CPAMD8: variants seen among roughly 807,000 people sequenced by gnomAD.
The protein encoded by CPAMD8 is C3 and PZP-like alpha-2-macroglobulin domain-containing protein 8.
In CPAMD8, 146 loss-of-function variants were observed where a neutral mutation model predicts 224.7. The observed-to-expected ratio is 0.65, with a 90% CI of 0.57 to 0.75. CPAMD8 has a LOEUF of 0.75. CPAMD8 is among the 30% of genes least tolerant of loss of function. The pLI, the probability that CPAMD8 is intolerant of heterozygous loss-of-function variation, is 0.00. For synonymous variants in CPAMD8, 966 were observed against 1,044.6 expected, an observed-to-expected ratio of 0.92 and a Z score of 1.45; for missense variants, 2,301 against 2,537.5, an observed-to-expected ratio of 0.91 and a Z score of 2.00.
Position 16,929,077 on chromosome 19 carries a change from C to A in CPAMD8, c.3009G>T (p.Gly1003=), listed in dbSNP as rs2053465169. Residue 1003 remains glycine, a synonymous_variant, in exon 24 of 42, where the codon GGG becomes GGT. Coordinates refer to ENST00000443236, the MANE Select transcript of CPAMD8 (RefSeq NM_015692.5). ...TCCATGACCTGGTGTTCTGATGCCCCCCCAGGACGATCTCGATCATGCCTG... is the reference window on the plus strand; with the variant it reads ...TCCATGACCTGGTGTTCTGATGCCCACCCAGGACGATCTCGATCATGCCTG... The part of the protein sequence containing the change: ...DTAGMIEIVL[G]GHQNTRSWIS... The A allele has an allele frequency of 6.2e-7, 1 of 1,614,120 alleles. No individual in the cohort carries two copies. Among genetic ancestry groups the A allele is most frequent in the South Asian group, 1.1e-5 (1 of 91,078 alleles).
At chr19:17,015,173 C>T (rs1466057431) in intron 3 of CPAMD8, among the ~76,000 whole-genome samples, 1 of 152,286 alleles carries the variant, frequency 6.6e-6, no homozygotes, top group East Asian at 1.9e-4. Context: ...ACCCAGAAGG[C>T]AGAGGTTGCA....
At chr19:16,979,746 A>C (rs531803509) in intron 14 of CPAMD8, among the ~76,000 whole-genome samples, 148 of 151,964 alleles carry the variant, frequency 9.7e-4, no homozygotes, top group African/African-American at 3.0e-3. Context: ...TGCCTCCACC[A>C]CAGAGAATGA....
intron 1 of CPAMD8, among the ~76,000 whole-genome samples, chr19:17,025,407 C>T (rs1169177354): frequency 6.6e-6 from 1 of 152,028 alleles, no homozygotes; most frequent in East Asian, 1.9e-4. Context: ...AGTAAAACTC[C>T]ATCTCAAAAC....
chr19:16,914,690 C>T lies in CPAMD8; in HGVS notation c.3753G>A (p.Leu1251=). 1 of 1,614,138 alleles carries T rather than the reference C, an allele frequency of 6.2e-7. No homozygotes were observed. The highest frequency in any genetic ancestry group is 8.5e-7 in the Non-Finnish European group (1 of 1,180,010). Residue 1251 remains leucine (L), a synonymous_variant, in exon 28 of 42, where the codon CTG becomes CTA. Transcript: ENST00000443236. ...CCTTGTTCAGGACCCTGCCCACGGC[C>T]AGGAAGGAGCCATCGGCCTGCTGCT... ...IQQQQADGSF[L]AVGRVLNKDI... is the part of the protein sequence containing the mutation.
intron 22 of CPAMD8, among the ~76,000 whole-genome samples, chr19:16,944,183 A>C (rs2053996072): frequency 6.6e-6 from 1 of 152,190 alleles, no homozygotes; most frequent in African/African-American, 2.4e-5. Flanking sequence ...TGGCGCCCAC[A>C]GTCCTCCGGT....
intron 21 of CPAMD8, 39 bp downstream of exon 21, chr19:16,947,035 T>A: frequency 6.4e-7 from 1 of 1,551,378 alleles, no homozygotes; most frequent in East Asian, 2.3e-5. Flanking sequence ...TTTTGTGGCC[T>A]GGAGAGGGGG....
chr19:16,901,369 C>A, intron 35 of CPAMD8, 72 bp from the exon 36 acceptor site: 1 of 1,026,996 alleles, frequency 9.7e-7, no homozygotes, highest in East Asian at 2.6e-5. Context: ...TCCCCTCTCC[C>A]CCTGGAGCCC....
rs776219624 is a variant in CPAMD8, at chr19:16,897,754, C to A, written c.5002G>T (p.Ala1668Ser). 1 of 1,582,200 alleles carries A rather than the reference C, an allele frequency of 6.3e-7. No homozygotes were observed. The highest frequency in any genetic ancestry group is 8.6e-7 in the Non-Finnish European group (1 of 1,166,842). The change falls in exon 39 of 42, where the codon GCC becomes TCC. Residue 1668 changes from alanine (A) to serine (S), a missense_variant. By Grantham distance (99) the Ala-to-Ser change is moderately conservative. Coordinates refer to ENST00000443236, the MANE Select transcript of CPAMD8 (RefSeq NM_015692.5). ...FYNVSTHSPL[A>S]RELCAGPACN... ...GCGGGTCCGGCGCACAGTTCCCGGG[C>A]GAGTGGGCTGTGGGTGCTGACGTTG...
chr19:16,951,859 C>T (rs1599768961), intron 20 of CPAMD8, 110 bp downstream of exon 20: 11 of 722,940 alleles, frequency 1.5e-5, no homozygotes, highest in East Asian at 2.8e-5. Flanking sequence ...CTCTCGCCCT[C>T]CTAAATCCCC....
intron 18 of CPAMD8, among the ~76,000 whole-genome samples, chr19:16,959,972 C>T (rs1022255812): frequency 1.3e-5 from 2 of 152,144 alleles, no homozygotes; most frequent in Non-Finnish European, 2.9e-5. Flanking sequence ...CATCTTTAAA[C>T]AGTCGTGCCT....
intron 1 of CPAMD8, among the ~76,000 whole-genome samples, chr19:17,023,214 C>T (rs1443668324): frequency 6.6e-6 from 1 of 152,120 alleles, no homozygotes; most frequent in African/African-American, 2.4e-5. Flanking sequence ...GGCATTACCC[C>T]CAGTTTCCCC....
At chr19:16,904,705 C>T (rs933870228) in intron 30 of CPAMD8, among the ~76,000 whole-genome samples, 153 bp from the exon 31 acceptor site, 3 of 152,216 alleles carry the variant, frequency 2.0e-5, no homozygotes, top group Admixed American at 6.5e-5. Context: ...ACAGGAAGGG[C>T]CTTGGGGCTC....
chr19:16,959,745 T>C (rs1455329028), intron 18 of CPAMD8, among the ~76,000 whole-genome samples: 4 of 151,986 alleles, frequency 2.6e-5, no homozygotes, highest in African/African-American at 9.7e-5. Context: ...TTCACCATAT[T>C]GGCCAGGCTG....
intron 19 of CPAMD8, among the ~76,000 whole-genome samples, chr19:16,952,659 A>T (rs1160475778): frequency 1.3e-5 from 2 of 152,200 alleles, no homozygotes; most frequent in Non-Finnish European, 2.9e-5. Flanking sequence ...CCTCAGCAAC[A>T]GAGTGAGATC....
intron 13 of CPAMD8, among the ~76,000 whole-genome samples, chr19:16,982,389 CTCAA>C (rs1175752646): frequency 6.6e-6 from 1 of 151,814 alleles, no homozygotes; most frequent in Non-Finnish European, 1.5e-5. Context: ...GAGACCCTGT[CTCAA>C]TCAATCAATC....
intron 23 of CPAMD8, among the ~76,000 whole-genome samples, chr19:16,937,664 T>A (rs950257707): frequency 6.7e-6 from 1 of 150,330 alleles, no homozygotes; most frequent in Non-Finnish European, 1.5e-5. Context: ...TTTTTTTTTT[T>A]TTTTTTGAGT....
chr19:16,914,375 C>T lies in CPAMD8; in HGVS notation c.3861+49G>A, dbSNP rs373477519. The T allele has an allele frequency of 5.3e-6, 8 of 1,506,474 alleles. No individual in the cohort carries two copies. The African/African-American group carries it at 9.7e-5, about 18-fold the overall frequency. The allele number at this position is 1,506,474 out of a possible 1,614,324, so 93.3% of individuals were successfully genotyped here. On this transcript the variant is annotated intron_variant, in intron 29 of 41. Transcript: ENST00000443236. Reference sequence around the variant, plus strand: ...CATAAAGGAGGGAACCTTCCATTTGCTCCTCCAGTGCCCAGCCCCGAGTCT... The same window carrying T: ...CATAAAGGAGGGAACCTTCCATTTGTTCCTCCAGTGCCCAGCCCCGAGTCT...
chr19:16,946,329 G>C (rs1446886303), intron 21 of CPAMD8, among the ~76,000 whole-genome samples: 1 of 149,658 alleles, frequency 6.7e-6, no homozygotes, highest in African/African-American at 2.5e-5. Flanking sequence ...GTGTGGATTT[G>C]TTTGTATATG....
At chr19:17,011,814 A>G in intron 3 of CPAMD8, 57 bp from the exon 4 acceptor site, 3 of 1,571,502 alleles carry the variant, frequency 1.9e-6, no homozygotes, top group African/African-American at 1.4e-5. Context: ...GGGCCAAGAT[A>G]CTGGGGAAGG....
Sources: gnomAD v4.1 joint callset for allele counts (sites outside exome capture counted in the v4.1 genomes callset) on GRCh38, gnomAD v4.1.1 for gene constraint, MANE v1.5 for transcripts, NCBI Gene and HGNC (gene_info 2026-07-23, HGNC 2026-07-21) for gene names.